The following HDAC9 variants were observed in gnomAD, a reference collection of about 807,000 sequenced individuals.
HDAC9 encodes the protein histone deacetylase 9, also known as MEF-2 interacting transcription repressor (MITR) protein.
Under a neutral mutation model 139.4 loss-of-function variants are expected in HDAC9, and 41 were observed. That is an observed-to-expected ratio of 0.29 (90% CI 0.23 to 0.38). The LOEUF (loss-of-function observed/expected upper bound fraction) is 0.38. HDAC9 is among the 10% of genes least tolerant of loss of function. The pLI, the probability that HDAC9 is intolerant of heterozygous loss-of-function variation, is 1.00. For missense variants in HDAC9, 1,147 were observed against 1,297.0 expected (o/e 0.88, Z 1.78); for synonymous variants, 517 against 476.2 (o/e 1.09, Z -1.12).
At chr7:18,244,950 A>G (rs957110627) in intron 2 of HDAC9, among the ~76,000 whole-genome samples, 1 of 138,572 alleles carries the variant, frequency 7.2e-6, no homozygotes. Context: ...CTGTATCTGT[A>G]TATGGACATA....
chr7:18,713,761 A>G (rs1463260217), intron 12 of HDAC9, among the ~76,000 whole-genome samples: 1 of 152,198 alleles, frequency 6.6e-6, no homozygotes, highest in Non-Finnish European at 1.5e-5. Flanking sequence ...ATGGTTAATG[A>G]AGTGGTTAAA....
At position 18,317,051 on chromosome 7, in the gene HDAC9, G is replaced by A. The variant is rs1370562520; in HGVS notation, c.-42+26536G>A. ...AGAGCTTGCAGTGAGCCGAGATGGCGCCACTGCATTCTAGCCTGGGCGACA... is the reference window on the plus strand; with the variant it reads ...AGAGCTTGCAGTGAGCCGAGATGGCACCACTGCATTCTAGCCTGGGCGACA... On this transcript the variant is annotated intron_variant, in intron 1 of 3. Transcript: ENST00000413509. Among the ~76,000 whole-genome samples, 4 of 150,948 alleles carry A rather than the reference G, an allele frequency of 2.6e-5. No individual in the cohort carries two copies. The East Asian group carries it at 5.9e-4, about 22-fold the overall frequency.
Position 18,355,209 on chromosome 7 carries a change from T to C in HDAC9, c.-42+64694T>C, listed in dbSNP as rs118001258. Among the ~76,000 whole-genome samples, 703 of 152,326 alleles carry C rather than the reference T, an allele frequency of 4.6e-3. 5 individuals carry two copies. The highest frequency in any genetic ancestry group is 7.5e-3 in the Non-Finnish European group (512 of 68,010). ...AATAAAAACTCTTATTATCTCCACT[T>C]GTCCATGAGGAAACCAATGTACAGA... is the stretch of plus-strand genomic sequence containing the variant. On this transcript the variant is annotated intron_variant, in intron 1 of 3. Transcript: ENST00000413509.
chr7:18,842,725 C>T (rs538688027), intron 21 of HDAC9, among the ~76,000 whole-genome samples: 23 of 152,012 alleles, frequency 1.5e-4, no homozygotes, highest in Non-Finnish European at 1.3e-4. Flanking sequence ...CAATTTTCAT[C>T]AAAAAATTAC....
intron 1 of HDAC9, among the ~76,000 whole-genome samples, chr7:18,134,249 C>G (rs1327604145): frequency 1.3e-5 from 2 of 152,040 alleles, no homozygotes; most frequent in Non-Finnish European, 2.9e-5. Flanking sequence ...CTGAGTAATG[C>G]CAAGTATATA....
intron 14 of HDAC9, among the ~76,000 whole-genome samples, chr7:18,756,572 G>A (rs764440793): frequency 3.5e-4 from 53 of 152,164 alleles, no homozygotes; most frequent in Non-Finnish European, 6.3e-4. Flanking sequence ...AAAGCGAAGC[G>A]TGTTTTATTG....
intron 12 of HDAC9, among the ~76,000 whole-genome samples, chr7:18,680,260 G>A (rs1781801285): frequency 6.6e-6 from 1 of 151,932 alleles, no homozygotes; most frequent in South Asian, 2.1e-4. Flanking sequence ...GATTCCAAAG[G>A]CTTTTATGCC....
intron 21 of HDAC9, among the ~76,000 whole-genome samples, chr7:18,868,125 C>G (rs12530943): frequency 0.42 from 63,028 of 151,654 alleles, 13,385 homozygotes; most frequent in South Asian, 0.53. Flanking sequence ...TTTTTTCTTG[C>G]ATACAACATG....
At chr7:18,167,732 G>T (rs541258441) in intron 2 of HDAC9, among the ~76,000 whole-genome samples, 2 of 152,082 alleles carry the variant, frequency 1.3e-5, no homozygotes, top group African/African-American at 4.8e-5. Flanking sequence ...TTCACATTTC[G>T]TTGAGTGGAA....
At chr7:18,621,329 T>C (rs949676913) in intron 6 of HDAC9, among the ~76,000 whole-genome samples, 11 of 151,868 alleles carry the variant, frequency 7.2e-5, no homozygotes, top group Admixed American at 1.3e-4. Context: ...ATTTTCCCAT[T>C]CTTAAAAATC....
intron 6 of HDAC9, among the ~76,000 whole-genome samples, chr7:18,594,858 C>A (rs1334492485): frequency 6.6e-6 from 1 of 152,030 alleles, no homozygotes; most frequent in African/African-American, 2.4e-5. Context: ...TTTATCTCCA[C>A]AACTGATCTG....
intron 1 of HDAC9, among the ~76,000 whole-genome samples, chr7:18,449,495 G>A (rs193029579): frequency 1.3e-5 from 2 of 152,272 alleles, no homozygotes; most frequent in South Asian, 2.1e-4. Flanking sequence ...AAGGAGTGCT[G>A]TTGTGGTGTT....
In HDAC9 at chr7:18,784,404, T is replaced by A. The variant is rs376807742; in HGVS notation, c.2215-8941T>A. Among the ~76,000 whole-genome samples the A allele has an allele frequency of 5.9e-5, 9 of 151,932 alleles. No individual in the cohort carries two copies. In the South Asian group the frequency reaches 1.9e-3, roughly 32 times the overall value. ...CAAGAATTTTTTTTTTACAACCTAGTAAACATTTAATTTATTCCTGATTCA... is the reference window on the plus strand; with the variant it reads ...CAAGAATTTTTTTTTTACAACCTAGAAAACATTTAATTTATTCCTGATTCA... On this transcript the variant is annotated intron_variant, in intron 16 of 25. Transcript: ENST00000686413.
intron 1 of HDAC9, among the ~76,000 whole-genome samples, chr7:18,443,854 A>C (rs1336087904): frequency 2.0e-5 from 3 of 151,704 alleles, no homozygotes; most frequent in African/African-American, 7.3e-5. Flanking sequence ...TTGTATATAC[A>C]TTTGTATAAA....
chr7:18,367,795 C>G (rs1317852934), intron 1 of HDAC9, among the ~76,000 whole-genome samples: 1 of 152,034 alleles, frequency 6.6e-6, no homozygotes, highest in African/African-American at 2.4e-5. Flanking sequence ...TGTATATGCC[C>G]ATCAGCAGCC....
chr7:18,277,077 A>C (rs890488430), intron 2 of HDAC9, among the ~76,000 whole-genome samples: 1 of 131,710 alleles, frequency 7.6e-6, no homozygotes, highest in Non-Finnish European at 1.6e-5. Context: ...AGATAGTTAC[A>C]TTGTTAAAAA....
chr7:18,625,629 T>C (rs1404596671), intron 6 of HDAC9, among the ~76,000 whole-genome samples: 3 of 152,208 alleles, frequency 2.0e-5, no homozygotes, highest in Middle Eastern at 3.4e-3. Context: ...ACTATTTCAT[T>C]TGATCCTATA....
intron 23 of HDAC9, among the ~76,000 whole-genome samples, chr7:18,937,013 G>A (rs955138412): frequency 6.9e-6 from 1 of 143,974 alleles, no homozygotes. Context: ...CATTGCTCAA[G>A]TACTTTGCTC....
chr7:18,775,610 G>A (rs1309165416), intron 16 of HDAC9, among the ~76,000 whole-genome samples: 1 of 151,614 alleles, frequency 6.6e-6, no homozygotes, highest in South Asian at 2.1e-4. Flanking sequence ...TATTAAATAA[G>A]CATGTACTGT....
Sources: gnomAD v4.1 joint callset for allele counts (sites outside exome capture counted in the v4.1 genomes callset) on GRCh38, gnomAD v4.1.1 for gene constraint, MANE v1.5 for transcripts, NCBI Gene and HGNC (gene_info 2026-07-23, HGNC 2026-07-21) for gene names.